XKR4: variants seen among roughly 807,000 people sequenced by gnomAD.
The protein encoded by XKR4 is XK related 4.
A neutral mutation model predicts 53.9 loss-of-function variants in XKR4; 12 were observed. The ratio of observed to expected loss-of-function variants is 0.22; its 90% CI spans 0.14 to 0.36. XKR4 has a LOEUF of 0.36. Ranked by LOEUF, XKR4 falls within the 10% of genes least tolerant of loss-of-function variation. The pLI, the probability that XKR4 is intolerant of heterozygous loss-of-function variation, is 1.00. For synonymous variants in XKR4, 354 were observed against 362.4 expected, an observed-to-expected ratio of 0.98 and a Z score of 0.26; for missense variants, 799 against 859.5, an observed-to-expected ratio of 0.93 and a Z score of 0.88.
chr8:55,107,334 A>G (rs548370901), intron 1 of XKR4, among the ~76,000 whole-genome samples: 2 of 152,152 alleles, frequency 1.3e-5, no homozygotes, highest in African/African-American at 4.8e-5. Context: ...CATACAGTCT[A>G]TGCTTTTTCT....
At chr8:55,402,073 T>A (rs1285724052) in intron 2 of XKR4, among the ~76,000 whole-genome samples, 1 of 152,238 alleles carries the variant, frequency 6.6e-6, no homozygotes, top group Non-Finnish European at 1.5e-5. Flanking sequence ...CCTTCTGTAT[T>A]CAATCTGTTG....
intron 1 of XKR4, among the ~76,000 whole-genome samples, chr8:55,303,595 T>C (rs1026071091): frequency 6.6e-6 from 1 of 152,262 alleles, no homozygotes; most frequent in African/African-American, 2.4e-5. Flanking sequence ...GTTGTACCTC[T>C]GGTAGAATTT....
chr8:55,103,070 G>A lies in XKR4; in HGVS notation c.582G>A (p.Thr194=), dbSNP rs1299555854. The A allele has an allele frequency of 3.7e-6, 6 of 1,612,772 alleles. No homozygotes were observed. The South Asian group carries it at 4.4e-5, about 12-fold the overall frequency. The change falls in exon 1 of 3, where the codon ACG becomes ACA. Residue 194 remains threonine, a synonymous_variant. Transcript: ENST00000327381. The stretch of plus-strand genomic sequence containing the variant: ...CGCAGCCTGGAGCCGATTGCAAGAC[G>A]GTGGTCGGCGGTGGGTCTGCAGCCG... The part of the protein sequence containing the change: ...SCPQPGADCK[T]VVGGGSAAGE...
At chr8:55,228,308 G>A (rs191486423) in intron 1 of XKR4, among the ~76,000 whole-genome samples, 2 of 152,112 alleles carry the variant, frequency 1.3e-5, no homozygotes, top group East Asian at 3.9e-4. Flanking sequence ...CATATTTCAC[G>A]ATGCAGTCCT....
At chr8:55,246,623 A>C (rs768793234) in intron 1 of XKR4, among the ~76,000 whole-genome samples, 1 of 152,040 alleles carries the variant, frequency 6.6e-6, no homozygotes, top group East Asian at 1.9e-4. Context: ...TCAATCTGGG[A>C]TGGATAAAGC....
intron 1 of XKR4, among the ~76,000 whole-genome samples, chr8:55,296,557 T>C (rs527871233): frequency 6.6e-6 from 1 of 152,160 alleles, no homozygotes; most frequent in Non-Finnish European, 1.5e-5. Flanking sequence ...AGAAAACAAA[T>C]ACAGATACCA....
At chr8:55,196,474 C>T (rs1014906013) in intron 1 of XKR4, among the ~76,000 whole-genome samples, 6 of 152,160 alleles carry the variant, frequency 3.9e-5, no homozygotes, top group Non-Finnish European at 8.8e-5. Flanking sequence ...TGAGCCACAG[C>T]ACCTGGCCTG....
At chr8:55,170,380 G>T (rs941249176) in intron 1 of XKR4, among the ~76,000 whole-genome samples, 12 of 152,208 alleles carry the variant, frequency 7.9e-5, no homozygotes, top group Admixed American at 5.2e-4. Context: ...GAGGGAGGCA[G>T]GAATGGGGAG....
chr8:55,485,901 A>T (rs928824712), intron 2 of XKR4, among the ~76,000 whole-genome samples: 2 of 152,188 alleles, frequency 1.3e-5, no homozygotes, highest in Non-Finnish European at 2.9e-5. Context: ...TGAATGCCAT[A>T]AGCCCAAAAA....
chr8:55,235,498 A>G (rs1818106556), intron 1 of XKR4, among the ~76,000 whole-genome samples: 1 of 152,176 alleles, frequency 6.6e-6, no homozygotes, highest in Admixed American at 6.5e-5. Flanking sequence ...GGTATGTTGT[A>G]AGCAGTGTAT....
Position 55,216,766 on chromosome 8 carries a change from G to A in XKR4, c.806+113472G>A, listed in dbSNP as rs779058495. Reference sequence around the variant, plus strand: ...AAATTATTAGCCACAAAACGTTGATGAGTTCAACAGCATTAAAATTAAGAA... The same window carrying A: ...AAATTATTAGCCACAAAACGTTGATAAGTTCAACAGCATTAAAATTAAGAA... On this transcript the variant is annotated intron_variant, in intron 1 of 2. Transcript: ENST00000327381. Among the ~76,000 whole-genome samples, 148 of 149,704 alleles carry A rather than the reference G, an allele frequency of 9.9e-4. 3 individuals are homozygous for A. The highest frequency in any genetic ancestry group is 8.9e-5 in the Non-Finnish European group (6 of 67,456).
intron 1 of XKR4, among the ~76,000 whole-genome samples, chr8:55,301,353 C>G (rs893467425): frequency 6.6e-6 from 1 of 151,930 alleles, no homozygotes; most frequent in African/African-American, 2.4e-5. Context: ...GCATAGTATT[C>G]CCTGGTGTAT....
At chr8:55,337,192 G>C (rs570505028) in intron 1 of XKR4, among the ~76,000 whole-genome samples, 46 of 152,120 alleles carry the variant, frequency 3.0e-4, no homozygotes, top group Middle Eastern at 6.8e-3. Context: ...AAGGGCCCTA[G>C]TGTCTCCTAC....
chr8:55,156,822 G>T lies in XKR4; in HGVS notation c.806+53528G>T, dbSNP rs530843488. On this transcript the variant is annotated intron_variant, in intron 1 of 2. Coordinates refer to ENST00000327381, the MANE Select transcript of XKR4 (RefSeq NM_052898.2). ...TGTGACATGCCCCCTGGGCCAGCAT[G>T]TAAGGTTCACCTGTAGGAAGATTAC... Among the ~76,000 whole-genome samples, 3 of 152,346 alleles carry T rather than the reference G, an allele frequency of 2.0e-5. No individual in the cohort carries two copies. In the East Asian group the frequency reaches 5.8e-4, roughly 29 times the overall value.
At chr8:55,458,743 G>A (rs959526948) in intron 2 of XKR4, among the ~76,000 whole-genome samples, 3 of 152,182 alleles carry the variant, frequency 2.0e-5, no homozygotes, top group African/African-American at 7.2e-5. Context: ...CTGAAGTCAA[G>A]CTGCTTCTCA....
At chr8:55,432,088 C>A (rs1805112435) in intron 2 of XKR4, among the ~76,000 whole-genome samples, 1 of 152,182 alleles carries the variant, frequency 6.6e-6, no homozygotes, top group Non-Finnish European at 1.5e-5. Context: ...CAAATGCCTT[C>A]TCTCTGTGGT....
At chr8:55,435,049 A>C (rs1302625868) in intron 2 of XKR4, among the ~76,000 whole-genome samples, 4 of 152,210 alleles carry the variant, frequency 2.6e-5, no homozygotes, top group African/African-American at 9.6e-5. Context: ...TTTTGGAAAC[A>C]GGGCCACTCA....
intron 2 of XKR4, among the ~76,000 whole-genome samples, chr8:55,443,944 G>A (rs1805309997): frequency 6.6e-6 from 1 of 152,072 alleles, no homozygotes; most frequent in Admixed American, 6.5e-5. Context: ...GCCAAGGAGG[G>A]CAGATCACTT....
intron 2 of XKR4, among the ~76,000 whole-genome samples, chr8:55,405,157 G>A (rs555981218): frequency 1.3e-5 from 2 of 152,224 alleles, no homozygotes; most frequent in Admixed American, 6.5e-5. Flanking sequence ...AACACCCGTC[G>A]GGCCAGAGGA....
Sources: gnomAD v4.1 joint callset for allele counts (sites outside exome capture counted in the v4.1 genomes callset) on GRCh38, gnomAD v4.1.1 for gene constraint, MANE v1.5 for transcripts, NCBI Gene and HGNC (gene_info 2026-07-23, HGNC 2026-07-21) for gene names.